LRP1B: variants seen among roughly 807,000 people sequenced by gnomAD.
The protein encoded by LRP1B is low-density lipoprotein receptor-related protein 1B.
A neutral mutation model predicts 556.6 loss-of-function variants in LRP1B; 217 were observed. That is an observed-to-expected ratio of 0.39 (90% CI 0.35 to 0.44). The LOEUF (loss-of-function observed/expected upper bound fraction) is 0.44. Among genes scored for constraint, LRP1B ranks in the 20% least tolerant of loss-of-function variants. The probability of loss-of-function intolerance (pLI) is 1.00; values close to 1 mark genes in which losing one functional copy is unlikely to be tolerated. For synonymous variants in LRP1B, 2,047 were observed against 1,865.8 expected (o/e 1.10, Z -2.50); for missense variants, 5,053 against 5,620.8 (o/e 0.90, Z 3.23).
chr2:141,264,690 A>G (rs1481735314), intron 3 of LRP1B, among the ~76,000 whole-genome samples: 3 of 152,160 alleles, frequency 2.0e-5, no homozygotes, highest in Non-Finnish European at 4.4e-5. Flanking sequence ...GCTGACCTCA[A>G]GTGATCCACC....
chr2:140,929,425 G>T (rs958704440), intron 20 of LRP1B, among the ~76,000 whole-genome samples: 1 of 152,048 alleles, frequency 6.6e-6, no homozygotes, highest in Non-Finnish European at 1.5e-5. Context: ...TCTGCACAAA[G>T]CCAGCAGTAT....
intron 2 of LRP1B, among the ~76,000 whole-genome samples, chr2:141,730,694 A>C (rs1438274892): frequency 6.6e-6 from 1 of 152,142 alleles, no homozygotes. Context: ...TTCATTATTA[A>C]GGGTGATAAA....
At chr2:141,548,658 T>C (rs1361177999) in intron 2 of LRP1B, among the ~76,000 whole-genome samples, 2 of 152,204 alleles carry the variant, frequency 1.3e-5, no homozygotes, top group African/African-American at 4.8e-5. Context: ...CTTGCTCTGC[T>C]TGATTGTTAA....
In LRP1B at chr2:140,232,545, T is replaced by C. The variant is rs557830999; in HGVS notation, c.*641A>G. 1 of 151,898 alleles carries C rather than the reference T, an allele frequency of 6.6e-6. No individual in the cohort carries two copies. Among genetic ancestry groups the C allele is most frequent in the South Asian group, 2.1e-4 (1 of 4,818 alleles). 9.4% of individuals were successfully genotyped at this position (151,898 alleles called of 1,614,324 possible). On this transcript the variant is annotated 3_prime_UTR_variant, in exon 91 of 91. Coordinates refer to ENST00000389484, the MANE Select transcript of LRP1B (RefSeq NM_018557.3). ...ATTTAGTACATCACATAGAGTCCAC[T>C]AAGTTTTGGAAAATGTAGTCATCTG...
rs544110151 is a variant in LRP1B, at chr2:140,507,423, T to C, written c.8399-505A>G. On this transcript the variant is annotated intron_variant, in intron 52 of 90. Coordinates refer to ENST00000389484, the MANE Select transcript of LRP1B (RefSeq NM_018557.3). ...TGTTATTGTCTTTAAAAAAATAAAA[T>C]AAAACTTTTTGGTGACTTCTAGAGT... 2.0e-4 allele frequency among the ~76,000 whole-genome samples: 31 copies of C among 152,182 alleles called. 1 individual carries two copies. The highest frequency in any genetic ancestry group is 7.5e-4 in the African/African-American group (31 of 41,540).
intron 2 of LRP1B, among the ~76,000 whole-genome samples, chr2:141,776,155 A>G (rs1695063851): frequency 6.6e-6 from 1 of 152,030 alleles, no homozygotes. Context: ...AAGTTTTCCT[A>G]TATTTTTGCC....
chr2:140,892,067 C>A (rs1693815472), intron 23 of LRP1B, among the ~76,000 whole-genome samples: 1 of 152,008 alleles, frequency 6.6e-6, no homozygotes, highest in African/African-American at 2.4e-5. Context: ...TTCTAGGATA[C>A]AGTCCAGTGT....
At chr2:141,434,732 A>C (rs1255758050) in intron 3 of LRP1B, among the ~76,000 whole-genome samples, 1 of 143,226 alleles carries the variant, frequency 7.0e-6, no homozygotes, top group East Asian at 2.2e-4. Flanking sequence ...TACGAATCCT[A>C]GCTGGTGGTA....
intron 7 of LRP1B, among the ~76,000 whole-genome samples, chr2:141,121,886 A>G (rs1365079518): frequency 6.6e-6 from 1 of 152,220 alleles, no homozygotes; most frequent in African/African-American, 2.4e-5. Context: ...ACAGCATGGT[A>G]CTGGTACTAA....
intron 1 of LRP1B, among the ~76,000 whole-genome samples, chr2:141,968,969 T>C (rs1701643448): frequency 6.6e-6 from 1 of 151,684 alleles, no homozygotes; most frequent in South Asian, 2.1e-4. Flanking sequence ...TTTTTAACTT[T>C]CTTTCAGTTC....
At chr2:141,096,562 C>T (rs932989003) in intron 7 of LRP1B, among the ~76,000 whole-genome samples, 4 of 141,816 alleles carry the variant, frequency 2.8e-5, no homozygotes, top group South Asian at 2.3e-4. Context: ...ACCTGGGAGG[C>T]GGAGGTTGCA....
chr2:141,042,012 G>A (rs1432600543), intron 11 of LRP1B, among the ~76,000 whole-genome samples: 1 of 151,960 alleles, frequency 6.6e-6, no homozygotes, highest in Non-Finnish European at 1.5e-5. Flanking sequence ...TTATTTGGAG[G>A]GCATTGTTCA....
intron 65 of LRP1B, 53 bp downstream of exon 65, chr2:140,444,277 C>T: frequency 1.9e-6 from 3 of 1,598,962 alleles, no homozygotes; most frequent in Non-Finnish European, 2.6e-6. Flanking sequence ...AATTTTTAGA[C>T]TTATTTTAGG....
At chr2:140,598,111 T>A (rs185330929) in intron 43 of LRP1B, among the ~76,000 whole-genome samples, 112 of 152,274 alleles carry the variant, frequency 7.4e-4, no homozygotes, top group Middle Eastern at 3.4e-3. Flanking sequence ...AGGGATAGCA[T>A]AGCAACTCTT....
At chr2:141,179,784 G>C (rs1467480361) in intron 7 of LRP1B, among the ~76,000 whole-genome samples, 2 of 151,630 alleles carry the variant, frequency 1.3e-5, no homozygotes, top group Non-Finnish European at 2.9e-5. Flanking sequence ...AAACCACTAA[G>C]AGTCTGGGGC....
Position 140,683,577 on chromosome 2 carries a change from A to T in LRP1B, c.6799+16673T>A, listed in dbSNP as rs1685939071. 3 of 683,584 alleles carry T rather than the reference A, an allele frequency of 4.4e-6. No individual in the cohort carries two copies. In the Middle Eastern group the frequency reaches 8.1e-4, roughly 185 times the overall value. 42.3% of individuals were successfully genotyped at this position (683,584 alleles called of 1,614,324 possible). On this transcript the variant is annotated intron_variant, in intron 41 of 90. Transcript: ENST00000389484. ...CAACTCCAAGTCCCAGTCTTCATTA[A>T]AAAGATTGCCAGGCTGTTCCTTGGG...
Position 141,797,160 on chromosome 2 carries a change from T to A in LRP1B, c.205+13119A>T, listed in dbSNP as rs549795337. Among the ~76,000 whole-genome samples, 221 of 83,726 alleles carry A rather than the reference T, an allele frequency of 2.6e-3. 2 individuals are homozygous for A. The highest frequency in any genetic ancestry group is 7.8e-3 in the Middle Eastern group (1 of 128). 54.9% of individuals were successfully genotyped at this position (83,726 alleles called of 152,430 possible). A position where few individuals can be genotyped will look rare whatever the true frequency, so the allele number is the denominator to read the frequency against. On this transcript the variant is annotated intron_variant, in intron 2 of 90. Transcript: ENST00000389484. ...TTGAAAATAATCATATATATATATA[T>A]ATATATATATATATATATATATATA...
At chr2:142,083,526 G>A (rs77936722) in intron 1 of LRP1B, among the ~76,000 whole-genome samples, 8,198 of 152,172 alleles carry the variant, frequency 0.054, 722 homozygotes, top group African/African-American at 0.19. Context: ...GTAAGTATGT[G>A]TAAACAGATA....
intron 32 of LRP1B, 55 bp from the exon 33 acceptor site, chr2:140,776,293 T>G (rs1689496169): frequency 8.8e-7 from 1 of 1,130,548 alleles, no homozygotes; most frequent in Admixed American, 3.1e-5. Flanking sequence ...TATTAAATAA[T>G]AATAAATACT....
Sources: gnomAD v4.1 joint callset for allele counts (sites outside exome capture counted in the v4.1 genomes callset) on GRCh38, gnomAD v4.1.1 for gene constraint, MANE v1.5 for transcripts, NCBI Gene and HGNC (gene_info 2026-07-23, HGNC 2026-07-21) for gene names.